KLRG1: variants seen among roughly 807,000 people sequenced by gnomAD.
KLRG1 encodes the protein killer cell lectin like receptor G1.
A neutral mutation model predicts 21.8 loss-of-function variants in KLRG1; 16 were observed. That is an observed-to-expected ratio of 0.73 (90% CI 0.50 to 1.11). The LOEUF (loss-of-function observed/expected upper bound fraction) is 1.11, where lower values mean the gene tolerates loss of function less well. Among genes scored for constraint, KLRG1 ranks in the 50% most tolerant of loss-of-function variants. The pLI, the probability that KLRG1 is intolerant of heterozygous loss-of-function variation, is 0.00. For missense variants in KLRG1, 173 were observed against 218.3 expected (o/e 0.79, Z 1.31); for synonymous variants, 69 against 75.9 (o/e 0.91, Z 0.47).
chr12:9,089,184 G>A, the KLRG1 span: 1 of 1,556,534 alleles, frequency 6.4e-7, no homozygotes, highest in Non-Finnish European at 8.8e-7. Context: ...TTTAAATTAT[G>A]ATGGTTGACT....
chr12:9,098,509 T>C, the KLRG1 span: 1 of 1,342,044 alleles, frequency 7.5e-7, no homozygotes, highest in African/African-American at 1.5e-5. Context: ...TAGATAAATA[T>C]AATTTTAATT....
At chr12:9,095,792 G>A in the KLRG1 span, 8 of 1,156,536 alleles carry the variant, frequency 6.9e-6, no homozygotes, top group Admixed American at 6.3e-5. Flanking sequence ...TCGCTCTGTC[G>A]CCCAGGCCGG....
intron 1 of KLRG1, among the ~76,000 whole-genome samples, chr12:8,975,072 G>A (rs781537003): frequency 7.3e-5 from 11 of 151,538 alleles, no homozygotes; most frequent in Admixed American, 2.0e-4. Flanking sequence ...ATTTTTTTTT[G>A]TATTTTTAGT....
the KLRG1 span, among the ~76,000 whole-genome samples, chr12:9,026,100 A>T: frequency 0.075 from 11,408 of 152,224 alleles, 620 homozygotes; most frequent in African/African-American, 0.15. Context: ...ATTTGTCATA[A>T]TAACAGAGAA....
the KLRG1 span, chr12:9,080,241 C>G: frequency 8.6e-7 from 1 of 1,157,204 alleles, no homozygotes; most frequent in Non-Finnish European, 1.3e-6. Context: ...CTAAACAGCT[C>G]TATGACCCAG....
the KLRG1 span, chr12:9,089,831 T>A: frequency 3.1e-6 from 3 of 982,076 alleles, no homozygotes; most frequent in Non-Finnish European, 4.3e-6. Flanking sequence ...TTATAAAATA[T>A]CCATATATTA....
the KLRG1 span, among the ~76,000 whole-genome samples, chr12:9,104,920 C>T: frequency 6.6e-6 from 1 of 152,194 alleles, no homozygotes; most frequent in Non-Finnish European, 1.5e-5. Flanking sequence ...ATTGCCAATA[C>T]ATTGTCCTGT....
At chr12:9,113,318 A>T in the KLRG1 span, 1 of 1,601,884 alleles carries the variant, frequency 6.2e-7, no homozygotes, top group Non-Finnish European at 8.5e-7. Context: ...TATGACCCTG[A>T]CTAAAAGAAC....
the KLRG1 span, chr12:9,200,591 A>G: frequency 1.4e-6 from 1 of 713,374 alleles, no homozygotes; most frequent in East Asian, 2.8e-5. Flanking sequence ...TAAGATGGTA[A>G]GGTTTAACAA....
chr12:8,959,051 T>C (rs1946341381), intron 1 of KLRG1, among the ~76,000 whole-genome samples: 1 of 152,116 alleles, frequency 6.6e-6, no homozygotes, highest in South Asian at 2.1e-4. Flanking sequence ...AGTTAAATTG[T>C]TTTTTTGTCC....
the KLRG1 span, among the ~76,000 whole-genome samples, chr12:9,134,406 T>G: frequency 6.6e-6 from 1 of 152,196 alleles, no homozygotes; most frequent in Non-Finnish European, 1.5e-5. Flanking sequence ...TTTAAAAATT[T>G]TATTTTATTG....
the KLRG1 span, chr12:9,152,779 G>C: frequency 6.3e-7 from 1 of 1,583,700 alleles, no homozygotes; most frequent in Non-Finnish European, 8.6e-7. Context: ...TTAATTCCAA[G>C]TTGCTTTTGG....
At chr12:9,182,032 A>G in the KLRG1 span, 1 of 1,613,850 alleles carries the variant, frequency 6.2e-7, no homozygotes, top group Non-Finnish European at 8.5e-7. Flanking sequence ...CAACTTCTCC[A>G]TCTGGTAAAA....
At chr12:8,963,751 G>T (rs1348943673) in intron 1 of KLRG1, among the ~76,000 whole-genome samples, 2 of 152,058 alleles carry the variant, frequency 1.3e-5, no homozygotes, top group African/African-American at 2.4e-5. Context: ...ACTTCTTCCT[G>T]GTTTAGTCTT....
chr12:9,017,904 A>T, the KLRG1 span, among the ~76,000 whole-genome samples: 14 of 152,230 alleles, frequency 9.2e-5, no homozygotes, highest in African/African-American at 3.1e-4. Context: ...CTGATTAACA[A>T]ATTCAGTGAA....
chr12:9,046,888 C>T, the KLRG1 span, among the ~76,000 whole-genome samples: 1 of 152,076 alleles, frequency 6.6e-6, no homozygotes, highest in Non-Finnish European at 1.5e-5. Context: ...GGAGTCTTAC[C>T]TTGTCACCCA....
At chr12:9,067,709 A>C in the KLRG1 span, 1 of 872,118 alleles carries the variant, frequency 1.1e-6, no homozygotes, top group Admixed American at 2.0e-5. Context: ...ACAGGGAAAG[A>C]CATTGACCAG....
At chr12:8,993,349 C>T (rs761208110) in intron 2 of KLRG1, among the ~76,000 whole-genome samples, 18 of 152,140 alleles carry the variant, frequency 1.2e-4, no homozygotes, top group Non-Finnish European at 2.2e-4. Flanking sequence ...AGTGCAATGG[C>T]GTGATCTCGG....
At chr12:9,189,205 A>G in the KLRG1 span, among the ~76,000 whole-genome samples, 8 of 152,348 alleles carry the variant, frequency 5.3e-5, no homozygotes, top group East Asian at 1.3e-3. Flanking sequence ...ATCCTAAGCA[A>G]AAAGAAGAAA....
Sources: gnomAD v4.1 joint callset for allele counts (sites outside exome capture counted in the v4.1 genomes callset) on GRCh38, gnomAD v4.1.1 for gene constraint, MANE v1.5 for transcripts, NCBI Gene and HGNC (gene_info 2026-07-23, HGNC 2026-07-21) for gene names.